Variants in ADSS2 observed in about 807,000 individuals in gnomAD.
The protein encoded by ADSS2 is adenylosuccinate synthetase isozyme 2.
ADSS2 carries 30 observed loss-of-function variants against 60.0 expected under a neutral mutation model. The ratio of observed to expected loss-of-function variants is 0.50; its 90% CI spans 0.37 to 0.68. ADSS2 has a LOEUF of 0.68. ADSS2 is among the 30% of genes least tolerant of loss of function. The probability of loss-of-function intolerance (pLI) is 0.00; values close to 1 mark genes in which losing one functional copy is unlikely to be tolerated. For missense variants in ADSS2, 373 were observed against 554.8 expected (o/e 0.67, Z 3.29); for synonymous variants, 187 against 193.1 (o/e 0.97, Z 0.26).
At chr1:244,415,865 T>A in intron 11 of ADSS2, 116 bp downstream of exon 11, 1 of 708,764 alleles carries the variant, frequency 1.4e-6, no homozygotes, top group East Asian at 2.7e-5. Context: ...GCACTAATCA[T>A]AAAGGGCATA....
intron 2 of ADSS2, 38 bp downstream of exon 2, chr1:244,437,628 G>T: frequency 7.4e-7 from 1 of 1,344,836 alleles, no homozygotes; most frequent in South Asian, 1.2e-5. Flanking sequence ...ATCAACTGGT[G>T]GGGGGGAATC....
rs540290024 is a variant in ADSS2, at chr1:244,429,330, T to G, written c.406+3215A>C. Among the ~76,000 whole-genome samples the G allele has an allele frequency of 2.6e-5, 4 of 152,278 alleles. No homozygotes were observed. The East Asian group carries it at 7.7e-4, about 29-fold the overall frequency. ...TACAGAATCTCATATTATGGAAAAT[T>G]TTTTAAATCCTTGGAAATAAATGAA... On this transcript the variant is annotated intron_variant, in intron 4 of 12. Transcript: ENST00000366535.
intron 1 of ADSS2, among the ~76,000 whole-genome samples, chr1:244,445,383 T>C (rs1403472898): frequency 6.6e-6 from 1 of 152,226 alleles, no homozygotes; most frequent in Non-Finnish European, 1.5e-5. Context: ...TCAAGGACAA[T>C]ACTTTAAAGC....
At chr1:244,446,936 AAT>A (rs1665406469) in intron 1 of ADSS2, among the ~76,000 whole-genome samples, 1 of 152,250 alleles carries the variant, frequency 6.6e-6, no homozygotes, top group Non-Finnish European at 1.5e-5. Flanking sequence ...GTTAAAACTT[AAT>A]ATAGACAAAA....
In ADSS2 at chr1:244,443,349, T is replaced by C. The variant is rs141496569; in HGVS notation, c.184-5581A>G. On this transcript the variant is annotated intron_variant, in intron 1 of 12. Coordinates refer to ENST00000366535, the MANE Select transcript of ADSS2 (RefSeq NM_001126.5). ...ACACTTATGATCCCAGTCACTCTTGTAGCATTTAACAAATACTTTTCATTA... is the reference window on the plus strand; with the variant it reads ...ACACTTATGATCCCAGTCACTCTTGCAGCATTTAACAAATACTTTTCATTA... 1.4e-4 allele frequency among the ~76,000 whole-genome samples: 22 copies of C among 152,356 alleles called. No individual in the cohort carries two copies. The East Asian group carries it at 3.5e-3, about 24-fold the overall frequency.
chr1:244,449,594 T>C (rs1665480702), intron 1 of ADSS2, among the ~76,000 whole-genome samples: 1 of 152,186 alleles, frequency 6.6e-6, no homozygotes, highest in African/African-American at 2.4e-5. Flanking sequence ...GTTACCAAGG[T>C]AAATCACAAA....
At chr1:244,411,242 A>C in intron 12 of ADSS2, 45 bp downstream of exon 12, 1 of 1,526,030 alleles carries the variant, frequency 6.6e-7, no homozygotes, top group Non-Finnish European at 8.9e-7. Flanking sequence ...GAAAAAAGAG[A>C]GAGAGAGAAA....
intron 1 of ADSS2, among the ~76,000 whole-genome samples, chr1:244,439,714 AGGAC>A (rs1665190940): frequency 1.3e-5 from 2 of 152,214 alleles, no homozygotes; most frequent in Non-Finnish European, 2.9e-5. Context: ...GCACAACACC[AGGAC>A]TTGCCCAAGA....
chr1:244,435,193 A>AC (rs1558277148), intron 3 of ADSS2, among the ~76,000 whole-genome samples: 6 of 142,194 alleles, frequency 4.2e-5, no homozygotes, highest in East Asian at 2.0e-4. Flanking sequence ...AAAAAAAAAA[A>AC]AAAACAAACC....
intron 1 of ADSS2, among the ~76,000 whole-genome samples, chr1:244,445,587 A>T (rs1177112810): frequency 6.6e-6 from 1 of 152,058 alleles, no homozygotes; most frequent in Admixed American, 6.5e-5. Flanking sequence ...AAAATTTTGG[A>T]TCAGGAAATG....
intron 4 of ADSS2, among the ~76,000 whole-genome samples, chr1:244,425,157 T>C (rs1664775579): frequency 6.6e-6 from 1 of 152,202 alleles, no homozygotes; most frequent in Non-Finnish European, 1.5e-5. Context: ...ACTAGTTGAT[T>C]TCCGGTGCAA....
At position 244,451,130 on chromosome 1, in the gene ADSS2, T is replaced by A. The variant is rs1456336940; in HGVS notation, c.183+505A>T. 6.6e-6 allele frequency among the ~76,000 whole-genome samples: 1 copy of A among 152,038 alleles called. No individual in the cohort carries two copies. Among genetic ancestry groups the A allele is most frequent in the Non-Finnish European group, 1.5e-5 (1 of 67,992 alleles). On this transcript the variant is annotated intron_variant, in intron 1 of 12. Transcript: ENST00000366535. The surrounding 1 kb of genome is among the most constrained non-coding windows in gnomAD (Gnocchi z 6.6). ...ATGCCACGGTCCTGCAGATGGGGGA[T>A]CGGTGAGTCTGATTTCAGGACGTTT...
intron 8 of ADSS2, chr1:244,419,157 T>G (rs79930703): frequency 0.048 from 16,566 of 347,662 alleles, 593 homozygotes; most frequent in Admixed American, 0.11. Flanking sequence ...CATGTACAGT[T>G]ACTGACTCAG....
chr1:244,410,215 C>T (rs1187285083), intron 12 of ADSS2, among the ~76,000 whole-genome samples: 2 of 152,064 alleles, frequency 1.3e-5, no homozygotes, highest in African/African-American at 2.4e-5. Flanking sequence ...AATATGCTTA[C>T]TAAATTTGAC....
chr1:244,432,689 A>T (rs1366607899), intron 3 of ADSS2, 94 bp from the exon 4 acceptor site: 15 of 708,530 alleles, frequency 2.1e-5, no homozygotes, highest in Non-Finnish European at 3.0e-5. Flanking sequence ...TTTGAGACAG[A>T]GTCTCGCTCT....
intron 4 of ADSS2, among the ~76,000 whole-genome samples, chr1:244,427,270 A>G (rs1490195292): frequency 6.6e-6 from 1 of 152,186 alleles, no homozygotes; most frequent in Admixed American, 6.5e-5. Flanking sequence ...TAAGTGAAAT[A>G]TTTGAAGGTA....
chr1:244,411,322 T>C lies in ADSS2; in HGVS notation c.1283A>G (p.Tyr428Cys), dbSNP rs1231169386. The change falls in exon 12 of 13, where the codon TAT becomes TGT. Residue 428 changes from tyrosine (Y) to cysteine (C), a missense_variant. Tyr to Cys is a radical substitution (Grantham distance 194). This residue lies in a region of ADSS2 where 130 missense variants were observed against 169.4 expected (regional missense o/e 0.77). Transcript: ENST00000366535. ...AAGCTCATCTTCAATAAATCGAACA[T>C]AGTTTTGTGCATTAACAGGTAGTTC... ...FKELPVNAQNYVRFIEDELQI... is the reference protein window; with the variant it reads ...FKELPVNAQNCVRFIEDELQI... 7 of 1,613,444 alleles carry C rather than the reference T, an allele frequency of 4.3e-6. No homozygotes were observed. Among genetic ancestry groups the C allele is most frequent in the South Asian group, 1.1e-5 (1 of 90,878 alleles).
chr1:244,442,035 C>A (rs1278713857), intron 1 of ADSS2, among the ~76,000 whole-genome samples: 1 of 152,058 alleles, frequency 6.6e-6, no homozygotes, highest in African/African-American at 2.4e-5. Context: ...TTGGAGTAGA[C>A]CCTTAAAGTA....
In ADSS2 at chr1:244,413,976, A is replaced by T. The variant is rs556314483; in HGVS notation, c.1168+2005T>A. Among the ~76,000 whole-genome samples, 8 of 152,262 alleles carry T rather than the reference A, an allele frequency of 5.3e-5. No homozygotes were observed. In the South Asian group the frequency reaches 1.7e-3, roughly 32 times the overall value. On this transcript the variant is annotated intron_variant, in intron 11 of 12. Coordinates refer to ENST00000366535, the MANE Select transcript of ADSS2 (RefSeq NM_001126.5). ...AAGCCAAAAACCAAGCTCTGCCAAG[A>T]TCTATAGATCCTGGAAACTGACTCA... is the stretch of plus-strand genomic sequence containing the variant.
Sources: allele counts gnomAD v4.1 joint callset (sites outside exome capture counted in the v4.1 genomes callset), GRCh38; gene constraint gnomAD v4.1.1; regional missense constraint gnomAD v4.1.1; non-coding constraint Gnocchi (gnomAD v3.1); transcripts MANE v1.5; gene names NCBI Gene and HGNC (gene_info 2026-07-23, HGNC 2026-07-21).